The following XPO4 variants were observed in gnomAD, a reference collection of about 807,000 sequenced individuals.
XPO4 encodes exportin-4.
Under a neutral mutation model 143.0 loss-of-function variants are expected in XPO4, and 39 were observed. The ratio of observed to expected loss-of-function variants is 0.27; its 90% CI spans 0.21 to 0.36. The LOEUF (loss-of-function observed/expected upper bound fraction) is 0.36, where lower values mean the gene tolerates loss of function less well. Among genes scored for constraint, XPO4 ranks in the 10% least tolerant of loss-of-function variants. XPO4 has a pLI of 1.00. For missense variants in XPO4, 907 were observed against 1,348.0 expected, an observed-to-expected ratio of 0.67 and a Z score of 5.12; for synonymous variants, 439 against 474.0, an observed-to-expected ratio of 0.93 and a Z score of 0.96.
chr13:20,895,135 G>A (rs1050279150), intron 1 of XPO4, among the ~76,000 whole-genome samples: 4 of 151,888 alleles, frequency 2.6e-5, no homozygotes, highest in East Asian at 1.9e-4. Context: ...CCGAGATTGC[G>A]CCACTGCACT....
In XPO4 at chr13:20,781,466, A is replaced by G. The variant is rs1566547120; in HGVS notation, c.*2256T>C. 6.6e-6 allele frequency: 1 copy of G among 152,608 alleles called. No individual in the cohort carries two copies. Among genetic ancestry groups the G allele is most frequent in the Non-Finnish European group, 1.5e-5 (1 of 68,034 alleles). The allele number at this position is 152,608 out of a possible 1,614,324, so 9.5% of individuals were successfully genotyped here. A position where few individuals can be genotyped will look rare whatever the true frequency, so the allele number is the denominator to read the frequency against. On this transcript the variant is annotated 3_prime_UTR_variant, in exon 23 of 23. Transcript: ENST00000255305. ...ACATTCTGCTGATCTTATAAGTATTATTTGGTCCAATCTGAAGAAGGTCTT... is the reference window on the plus strand; with the variant it reads ...ACATTCTGCTGATCTTATAAGTATTGTTTGGTCCAATCTGAAGAAGGTCTT...
At chr13:20,875,209 T>C (rs2060340038) in intron 1 of XPO4, among the ~76,000 whole-genome samples, 1 of 152,214 alleles carries the variant, frequency 6.6e-6, no homozygotes, top group Admixed American at 6.5e-5. Flanking sequence ...CCATAATCTT[T>C]CCTTACTTTT....
At chr13:20,826,956 G>C (rs2059792751) in intron 7 of XPO4, 111 bp downstream of exon 7, 2 of 702,046 alleles carry the variant, frequency 2.8e-6, no homozygotes, top group Non-Finnish European at 5.0e-6. Context: ...CTGATGAGAA[G>C]ACAAGACTTT....
At chr13:20,797,758 C>T (rs1409535147) in intron 16 of XPO4, among the ~76,000 whole-genome samples, 2 of 152,102 alleles carry the variant, frequency 1.3e-5, no homozygotes, top group Non-Finnish European at 2.9e-5. Context: ...TGATTTAAAG[C>T]CTATTAAATA....
intron 6 of XPO4, among the ~76,000 whole-genome samples, chr13:20,839,857 C>T (rs187791465): frequency 1.1e-3 from 171 of 152,170 alleles, no homozygotes; most frequent in Non-Finnish European, 1.8e-3. Context: ...GTGGTGCACA[C>T]CTATAATCCC....
At chr13:20,872,876 T>G (rs545452562) in intron 1 of XPO4, among the ~76,000 whole-genome samples, 1 of 152,254 alleles carries the variant, frequency 6.6e-6, no homozygotes, top group South Asian at 2.1e-4. Flanking sequence ...AAAGTTTTCC[T>G]CCAGGACCCA....
chr13:20,902,516 G>T, intron 1 of XPO4, 154 bp downstream of exon 1: 3 of 985,410 alleles, frequency 3.0e-6, no homozygotes, highest in Non-Finnish European at 3.6e-6. Flanking sequence ...GTAGGCTGAA[G>T]AATCCTGCGC....
intron 4 of XPO4, chr13:20,852,517 T>C: frequency 1.0e-6 from 1 of 985,404 alleles, no homozygotes; most frequent in Non-Finnish European, 1.2e-6. Flanking sequence ...AAGATTACCA[T>C]TATACAACTC....
chr13:20,895,246 A>C (rs1156322366), intron 1 of XPO4, among the ~76,000 whole-genome samples: 1 of 152,170 alleles, frequency 6.6e-6, no homozygotes, highest in South Asian at 2.1e-4. Flanking sequence ...TTATGGTCTA[A>C]ATTTTTATAT....
At chr13:20,859,525 A>G (rs1368311343) in intron 3 of XPO4, among the ~76,000 whole-genome samples, 7 of 152,144 alleles carry the variant, frequency 4.6e-5, no homozygotes, top group Admixed American at 1.3e-4. Flanking sequence ...GCGTAAACCC[A>G]GCAGGTGGAG....
At chr13:20,841,742 T>A (rs1232347229) in intron 6 of XPO4, among the ~76,000 whole-genome samples, 2 of 152,008 alleles carry the variant, frequency 1.3e-5, no homozygotes, top group Non-Finnish European at 2.9e-5. Flanking sequence ...TTAAATGTCA[T>A]AATTTTACCA....
At chr13:20,819,449 C>T (rs184561489) in intron 9 of XPO4, among the ~76,000 whole-genome samples, 232 of 152,170 alleles carry the variant, frequency 1.5e-3, no homozygotes, top group African/African-American at 5.2e-3. Context: ...ACTGCGAGGT[C>T]AGGAGTTTGA....
At chr13:20,885,942 T>C in intron 1 of XPO4, among the ~76,000 whole-genome samples, 1 of 152,216 alleles carries the variant, frequency 6.6e-6, no homozygotes, top group East Asian at 1.9e-4. Context: ...TTATAAAAGG[T>C]TTAACTACAA....
intron 9 of XPO4, 133 bp downstream of exon 9, chr13:20,821,571 A>T: frequency 9.9e-7 from 1 of 1,013,378 alleles, no homozygotes; most frequent in Non-Finnish European, 1.4e-6. Flanking sequence ...TAATTTGCAC[A>T]TCTAAACAAA....
At chr13:20,806,917 A>G (rs907310696) in intron 13 of XPO4, among the ~76,000 whole-genome samples, 4 of 152,096 alleles carry the variant, frequency 2.6e-5, no homozygotes, top group African/African-American at 9.7e-5. Flanking sequence ...AAATTTTGCC[A>G]TTAGTATTAG....
Position 20,777,719 on chromosome 13 carries a change from A to C in XPO4, c.*6003T>G, listed in dbSNP as rs938296516. On this transcript the variant is annotated 3_prime_UTR_variant, in exon 23 of 23. Transcript: ENST00000255305. ...AACTGCTCACTACTGTGGGAATAAA[A>C]ATGTTTAGCAGATCCTATTTGCTTT... 2 of 152,210 alleles carry C rather than the reference A, an allele frequency of 1.3e-5. No individual in the cohort carries two copies. Among genetic ancestry groups the C allele is most frequent in the Non-Finnish European group, 2.9e-5 (2 of 68,026 alleles). The allele number at this position is 152,210 out of a possible 1,614,324, so 9.4% of individuals were successfully genotyped here.
chr13:20,848,714 G>C, intron 4 of XPO4: 1 of 985,346 alleles, frequency 1.0e-6, no homozygotes, highest in African/African-American at 1.7e-5. Flanking sequence ...TTGGATTAAT[G>C]AATCAGTGTT....
At chr13:20,896,956 A>C (rs2060575572) in intron 1 of XPO4, among the ~76,000 whole-genome samples, 1 of 152,150 alleles carries the variant, frequency 6.6e-6, no homozygotes. Context: ...GCCTTTTTGC[A>C]TTTCTTCTCT....
At chr13:20,813,356 CA>C (rs1228452534) in intron 9 of XPO4, among the ~76,000 whole-genome samples, 2 of 152,080 alleles carry the variant, frequency 1.3e-5, no homozygotes, top group Non-Finnish European at 2.9e-5. Context: ...AAGGAAAAGA[CA>C]AACATCCCAT....
Sources: gnomAD v4.1 joint callset for allele counts (sites outside exome capture counted in the v4.1 genomes callset) on GRCh38, gnomAD v4.1.1 for gene constraint, MANE v1.5 for transcripts, NCBI Gene and HGNC (gene_info 2026-07-23, HGNC 2026-07-21) for gene names.